The following CNTNAP5 variants were observed in gnomAD, a reference collection of about 807,000 sequenced individuals.
CNTNAP5 encodes the protein contactin-associated protein-like 5.
CNTNAP5 carries 72 observed loss-of-function variants against 150.2 expected under a neutral mutation model. The observed-to-expected ratio is 0.48, with a 90% CI of 0.40 to 0.58. CNTNAP5 has a LOEUF of 0.58. Ranked by LOEUF, CNTNAP5 falls within the 20% of genes least tolerant of loss-of-function variation. CNTNAP5 has a pLI of 0.00. For synonymous variants in CNTNAP5, 672 were observed against 619.8 expected, an observed-to-expected ratio of 1.08 and a Z score of -1.25; for missense variants, 1,636 against 1,626.2, an observed-to-expected ratio of 1.01 and a Z score of -0.10.
chr2:124,560,009 G>A (rs565277212), intron 10 of CNTNAP5, among the ~76,000 whole-genome samples: 1 of 152,194 alleles, frequency 6.6e-6, no homozygotes, highest in South Asian at 2.1e-4. Context: ...TTTTCTGAGT[G>A]ACCATAGACA....
chr2:124,115,123 T>G (rs925842540), intron 1 of CNTNAP5, among the ~76,000 whole-genome samples: 3 of 152,126 alleles, frequency 2.0e-5, no homozygotes, highest in African/African-American at 7.2e-5. Flanking sequence ...CTTTTTTACA[T>G]ATTACTAGAA....
At chr2:124,774,449 G>A (rs1164647126) in intron 17 of CNTNAP5, among the ~76,000 whole-genome samples, 1 of 152,080 alleles carries the variant, frequency 6.6e-6, no homozygotes, top group African/African-American at 2.4e-5. Flanking sequence ...TGTCTGTTAT[G>A]TTCCCCAGAT....
intron 1 of CNTNAP5, among the ~76,000 whole-genome samples, chr2:124,091,115 G>A (rs1036609): frequency 0.28 from 42,345 of 152,050 alleles, 5,962 homozygotes; most frequent in South Asian, 0.32. Context: ...CCCAAACAGC[G>A]GAGTACAGAC....
At chr2:124,270,831 A>G (rs1056010288) in intron 3 of CNTNAP5, among the ~76,000 whole-genome samples, 2 of 152,188 alleles carry the variant, frequency 1.3e-5, no homozygotes, top group African/African-American at 4.8e-5. Flanking sequence ...ACAGAGTCAA[A>G]ATGTCAGATC....
chr2:124,491,703 A>G (rs1573410537), intron 7 of CNTNAP5, among the ~76,000 whole-genome samples: 1 of 151,202 alleles, frequency 6.6e-6, no homozygotes, highest in East Asian at 1.9e-4. Context: ...TTACATTACT[A>G]CCAATTGTGT....
At chr2:124,410,067 C>T (rs1691707047) in intron 3 of CNTNAP5, among the ~76,000 whole-genome samples, 1 of 152,054 alleles carries the variant, frequency 6.6e-6, no homozygotes, top group African/African-American at 2.4e-5. Context: ...CAAAAAAAGG[C>T]AGGGGTTGCC....
chr2:124,655,226 T>A (rs1384066792), intron 13 of CNTNAP5, among the ~76,000 whole-genome samples: 1 of 152,094 alleles, frequency 6.6e-6, no homozygotes, highest in Non-Finnish European at 1.5e-5. Context: ...TTCCCACTTA[T>A]GAGTGGGAAC....
intron 14 of CNTNAP5, among the ~76,000 whole-genome samples, chr2:124,748,970 C>A (rs1680664459): frequency 1.3e-5 from 2 of 152,136 alleles, no homozygotes; most frequent in Non-Finnish European, 2.9e-5. Flanking sequence ...TGCCTACAAA[C>A]CAACTATGAT....
At chr2:124,890,140 G>A (rs898871909) in intron 21 of CNTNAP5, among the ~76,000 whole-genome samples, 3 of 152,114 alleles carry the variant, frequency 2.0e-5, no homozygotes, top group Non-Finnish European at 1.5e-5. Flanking sequence ...GCTTTCTCTA[G>A]TACATGCTAT....
At chr2:124,640,846 G>C (rs930721474) in intron 12 of CNTNAP5, among the ~76,000 whole-genome samples, 8 of 152,026 alleles carry the variant, frequency 5.3e-5, no homozygotes, top group Admixed American at 5.2e-4. Context: ...GGAGGAGCAG[G>C]CTGGGCCCGG....
chr2:124,084,472 T>C lies in CNTNAP5; in HGVS notation c.82+58740T>C, dbSNP rs145213628. Among the ~76,000 whole-genome samples the C allele has an allele frequency of 4.5e-3, 681 of 152,168 alleles. 1 individual carries two copies. The highest frequency in any genetic ancestry group is 7.8e-3 in the Non-Finnish European group (529 of 67,986). On this transcript the variant is annotated intron_variant, in intron 1 of 23. Coordinates refer to ENST00000682447, the MANE Select transcript of CNTNAP5 (RefSeq NM_001367498.1). ...GGTAGACATGGGGTTTGTTTCATCA[T>C]GTTGCCTGGTCTGGTCTCAAACTCC...
chr2:124,595,965 C>T (rs1428056101), intron 11 of CNTNAP5, among the ~76,000 whole-genome samples: 1 of 73,692 alleles, frequency 1.4e-5, no homozygotes, highest in Non-Finnish European at 2.5e-5. Flanking sequence ...GTTTGTATTT[C>T]TGTGGGATCG....
chr2:124,213,984 G>A (rs1686087913), intron 1 of CNTNAP5, among the ~76,000 whole-genome samples: 1 of 152,156 alleles, frequency 6.6e-6, no homozygotes, highest in Non-Finnish European at 1.5e-5. Context: ...TTAGAGTTTA[G>A]AAGCAGGTTT....
At chr2:124,531,865 C>A (rs551544981) in intron 10 of CNTNAP5, among the ~76,000 whole-genome samples, 1 of 152,128 alleles carries the variant, frequency 6.6e-6, no homozygotes, top group African/African-American at 2.4e-5. Context: ...TCATTTGGGC[C>A]GAGCTTGCTT....
intron 3 of CNTNAP5, among the ~76,000 whole-genome samples, chr2:124,318,833 C>G (rs988335655): frequency 6.6e-6 from 1 of 152,080 alleles, no homozygotes; most frequent in African/African-American, 2.4e-5. Context: ...AATATGCCTC[C>G]CTCTATTTCT....
intron 1 of CNTNAP5, among the ~76,000 whole-genome samples, chr2:124,167,054 C>T (rs1336631559): frequency 6.6e-6 from 1 of 151,926 alleles, no homozygotes; most frequent in East Asian, 1.9e-4. Flanking sequence ...ATTTTTTGTC[C>T]TGTCGTCTTC....
intron 10 of CNTNAP5, among the ~76,000 whole-genome samples, chr2:124,539,660 C>T (rs190409678): frequency 3.2e-4 from 48 of 152,160 alleles, no homozygotes; most frequent in African/African-American, 1.1e-3. Context: ...GGAATTTTGG[C>T]AAGGATTGAC....
Position 124,579,997 on chromosome 2 carries a change from TAGAAC to T in CNTNAP5, c.1756+16677_1756+16681del, listed in dbSNP as rs553921870. 1.6e-3 allele frequency among the ~76,000 whole-genome samples: 238 copies of T among 152,366 alleles called. 1 individual carries two copies. The highest frequency in any genetic ancestry group is 5.3e-3 in the African/African-American group (219 of 41,588). ...AGACTTTAAGGAAATACATAGATCC[TAGAAC>T]AGGCCAGGTTTTGTTCTTTGTTTGT... On this transcript the variant is annotated intron_variant, in intron 11 of 23. Transcript: ENST00000682447.
chr2:124,591,789 G>A (rs893946778), intron 11 of CNTNAP5, among the ~76,000 whole-genome samples: 5 of 152,122 alleles, frequency 3.3e-5, no homozygotes, highest in Non-Finnish European at 7.4e-5. Context: ...AAAAATGCTT[G>A]TTTATGGAAC....
Sources: gnomAD v4.1 joint callset for allele counts (sites outside exome capture counted in the v4.1 genomes callset) on GRCh38, gnomAD v4.1.1 for gene constraint, MANE v1.5 for transcripts, NCBI Gene and HGNC (gene_info 2026-07-23, HGNC 2026-07-21) for gene names.